The following SLC38A9 variants were observed in gnomAD, a reference collection of about 807,000 sequenced individuals.
SLC38A9 encodes the protein solute carrier family 38 member 9, also known as neutral amino acid transporter 9.
Under a neutral mutation model 62.3 loss-of-function variants are expected in SLC38A9, and 48 were observed. The observed-to-expected ratio is 0.77, with a 90% CI of 0.61 to 0.98. SLC38A9 has a LOEUF of 0.98. Among genes scored for constraint, SLC38A9 ranks in the 50% least tolerant of loss-of-function variants. The pLI is 0.00. For synonymous variants in SLC38A9, 204 were observed against 227.7 expected, an observed-to-expected ratio of 0.90 and a Z score of 0.94; for missense variants, 541 against 679.8, an observed-to-expected ratio of 0.80 and a Z score of 2.27.
At position 55,627,970 on chromosome 5, in the gene SLC38A9, C is replaced by A; in HGVS notation, c.1441G>T (p.Val481Leu). Reference sequence around the variant, plus strand: ...ACAATAATTAGATTAAGAATCAGCACATGGAAAATGCTAGAAGTTGAGAAG... The same window carrying A: ...ACAATAATTAGATTAAGAATCAGCAAATGGAAAATGCTAGAAGTTGAGAAG... ...FGDIYPSIFH[V>L]LILNLIIVGA... The change falls in exon 15 of 16, where the codon GTG becomes TTG. Residue 481 changes from valine to leucine, a missense_variant. By Grantham distance (32) the Val-to-Leu change is conservative. Transcript: ENST00000396865. The A allele has an allele frequency of 6.2e-7, 1 of 1,610,940 alleles. No individual in the cohort carries two copies. The highest frequency in any genetic ancestry group is 8.5e-7 in the Non-Finnish European group (1 of 1,177,918).
At chr5:55,669,194 C>A in intron 7 of SLC38A9, 34 bp downstream of exon 7, 2 of 1,488,812 alleles carry the variant, frequency 1.3e-6, no homozygotes, top group Non-Finnish European at 1.9e-6. Flanking sequence ...CTTATTAATA[C>A]CCATAATCTA....
intron 14 of SLC38A9, among the ~76,000 whole-genome samples, chr5:55,631,037 G>A (rs1743342813): frequency 6.6e-6 from 1 of 152,106 alleles, no homozygotes; most frequent in Non-Finnish European, 1.5e-5. Flanking sequence ...GGAGGCTGAG[G>A]TAGGAGAATT....
chr5:55,649,434 A>G (rs1292321053), intron 10 of SLC38A9, 120 bp from the exon 11 acceptor site: 1 of 565,210 alleles, frequency 1.8e-6, no homozygotes, highest in South Asian at 3.4e-5. Context: ...TGCATTGATT[A>G]TCTCCACTAA....
chr5:55,710,067 C>CAAAAAAAAAAAAAAAAAAAAAAAAAAA (rs1174162436), intron 2 of SLC38A9, among the ~76,000 whole-genome samples: 4 of 20,836 alleles, frequency 1.9e-4, no homozygotes, highest in Non-Finnish European at 4.7e-4. Flanking sequence ...GACTCCATCT[C>CAAAAAAAAAAAAAAAAAAAAAAAAAAA]AAAAAAAAAA....
At chr5:55,680,261 T>C (rs968574925) in intron 3 of SLC38A9, among the ~76,000 whole-genome samples, 1 of 152,216 alleles carries the variant, frequency 6.6e-6, no homozygotes, top group African/African-American at 2.4e-5. Flanking sequence ...TTTAATACTG[T>C]ACATAGATGT....
chr5:55,659,091 T>A (rs1040788393), intron 8 of SLC38A9, among the ~76,000 whole-genome samples: 15 of 152,270 alleles, frequency 9.9e-5, no homozygotes, highest in African/African-American at 3.4e-4. Context: ...TTAATAAAAA[T>A]ACTTAAGTAG....
chr5:55,633,108 C>A (rs974454198), intron 14 of SLC38A9, among the ~76,000 whole-genome samples: 2 of 151,950 alleles, frequency 1.3e-5, no homozygotes, highest in Admixed American at 6.6e-5. Context: ...CTCAAACGAT[C>A]CTCCTCCTCC....
chr5:55,645,757 T>C (rs774235953), intron 12 of SLC38A9, 32 bp downstream of exon 12: 2 of 1,466,266 alleles, frequency 1.4e-6, no homozygotes, highest in East Asian at 2.3e-5. Flanking sequence ...CCTCGGGAGA[T>C]ACAAAAGTCA....
chr5:55,633,818 G>C lies in SLC38A9; in HGVS notation c.1366C>G (p.Pro456Ala). Residue 456 changes from proline (P) to alanine (A), a missense_variant, in exon 14 of 16, where the codon CCA becomes GCA. Coordinates refer to ENST00000396865, the MANE Select transcript of SLC38A9 (RefSeq NM_173514.4). ...FLLFQMMTVY[P>A]LLGYLARVQL... ...ACACGAGCCAGGTAGCCTAAGAGTGGGTATACAGTCATCATCTGGAACAGC... is the reference window on the plus strand; with the variant it reads ...ACACGAGCCAGGTAGCCTAAGAGTGCGTATACAGTCATCATCTGGAACAGC... 6.2e-7 allele frequency: 1 copy of C among 1,614,030 alleles called. No homozygotes were observed. Among genetic ancestry groups the C allele is most frequent in the Non-Finnish European group, 8.5e-7 (1 of 1,179,976 alleles).
chr5:55,668,477 C>G (rs1304160234), intron 7 of SLC38A9, among the ~76,000 whole-genome samples: 1 of 152,176 alleles, frequency 6.6e-6, no homozygotes, highest in South Asian at 2.1e-4. Context: ...AAGTGATCTT[C>G]CCACCTATGC....
chr5:55,695,528 A>C (rs1280222147), intron 3 of SLC38A9, among the ~76,000 whole-genome samples: 1 of 101,710 alleles, frequency 9.8e-6, no homozygotes. Context: ...CACCGCCCTT[A>C]ATCCATTTAA....
Position 55,664,779 on chromosome 5 carries a change from A to G in SLC38A9, c.611T>C (p.Phe204Ser). The G allele has an allele frequency of 6.2e-7, 1 of 1,600,538 alleles. No individual in the cohort carries two copies. Residue 204 changes from phenylalanine to serine, a missense_variant, in exon 8 of 16, where the codon TTC (phenylalanine) becomes TCC (serine). Coordinates refer to ENST00000396865, the MANE Select transcript of SLC38A9 (RefSeq NM_173514.4). ...GSFGQWSSLL[F>S]SLVSLIGAMI... ...TGCTCCAATGAGAGACACCAAGGAGAAAAGGAGACTCGACCACTGCCCAAA... is the reference window on the plus strand; with the variant it reads ...TGCTCCAATGAGAGACACCAAGGAGGAAAGGAGACTCGACCACTGCCCAAA...
At chr5:55,707,221 G>A (rs551925211) in intron 2 of SLC38A9, among the ~76,000 whole-genome samples, 46 of 152,280 alleles carry the variant, frequency 3.0e-4, no homozygotes, top group African/African-American at 9.9e-4. Flanking sequence ...TTGATGAGAA[G>A]TATAAAATAT....
intron 3 of SLC38A9, among the ~76,000 whole-genome samples, chr5:55,680,926 G>GCAA (rs1189661034): frequency 6.6e-6 from 1 of 152,198 alleles, no homozygotes; most frequent in Admixed American, 6.5e-5. Context: ...ACAGATAAAG[G>GCAA]CAACAGCTCA....
At chr5:55,694,972 G>A (rs1032944737) in intron 3 of SLC38A9, among the ~76,000 whole-genome samples, 3 of 152,072 alleles carry the variant, frequency 2.0e-5, no homozygotes, top group African/African-American at 7.2e-5. Flanking sequence ...AAGCTAGTCT[G>A]GAACTCTTGG....
Position 55,653,334 on chromosome 5 carries a change from T to C in SLC38A9, c.758-611A>G, listed in dbSNP as rs149264995. On this transcript the variant is annotated intron_variant, in intron 9 of 15. Transcript: ENST00000396865. ...TCCCACCAAATATCCCTTGGTTCCA[T>C]TGCCAGAGAGAAAATACTGGGCTGG... Among the ~76,000 whole-genome samples, 21 of 152,302 alleles carry C rather than the reference T, an allele frequency of 1.4e-4. No homozygotes were observed. The East Asian group carries it at 3.9e-3, about 28-fold the overall frequency.
chr5:55,654,899 G>A (rs535297007), intron 9 of SLC38A9, among the ~76,000 whole-genome samples: 134 of 152,180 alleles, frequency 8.8e-4, no homozygotes, highest in Admixed American at 2.0e-3. Flanking sequence ...GGGCAGTGGC[G>A]TAACTATGGC....
intron 12 of SLC38A9, 73 bp from the exon 13 acceptor site, chr5:55,635,730 A>C: frequency 1.1e-6 from 1 of 903,350 alleles, no homozygotes; most frequent in Non-Finnish European, 1.8e-6. Context: ...GGCTAAGGAG[A>C]CTAACAAATA....
rs904495143 is a variant in SLC38A9, at chr5:55,626,425, A to G, written c.*69T>C. 1.7e-5 allele frequency: 22 copies of G among 1,305,994 alleles called. No homozygotes were observed. The highest frequency in any genetic ancestry group is 4.3e-5 in the Admixed American group (2 of 46,086). The allele number at this position is 1,305,994 out of a possible 1,614,324, so 80.9% of individuals were successfully genotyped here. ...TACACAACAGCAGCATTTACAAGTG[A>G]ATTTATATAGAACTGTTGTCAAGGC... On this transcript the variant is annotated 3_prime_UTR_variant, in exon 16 of 16. Transcript: ENST00000396865.
Sources: allele counts gnomAD v4.1 joint callset (sites outside exome capture counted in the v4.1 genomes callset), GRCh38; gene constraint gnomAD v4.1.1; transcripts MANE v1.5; gene names NCBI Gene and HGNC (gene_info 2026-07-23, HGNC 2026-07-21).